Variants in PRRC2B observed in about 807,000 individuals in gnomAD.
PRRC2B encodes the protein protein PRRC2B.
A neutral mutation model predicts 242.3 loss-of-function variants in PRRC2B; 68 were observed. The observed-to-expected ratio is 0.28, with a 90% confidence interval of 0.23 to 0.34. The LOEUF (loss-of-function observed/expected upper bound fraction) is 0.34, where lower values mean the gene tolerates loss of function less well. Ranked by LOEUF, PRRC2B falls within the 10% of genes least tolerant of loss-of-function variation. The pLI, the probability that PRRC2B is intolerant of heterozygous loss-of-function variation, is 1.00. For synonymous variants in PRRC2B, 1,228 were observed against 1,173.6 expected (o/e 1.05, Z -0.95); for missense variants, 2,835 against 2,954.8 (o/e 0.96, Z 0.94).
intron 1 of PRRC2B, among the ~76,000 whole-genome samples, chr9:131,405,506 C>T (rs1034281416): frequency 4.6e-5 from 7 of 152,136 alleles, no homozygotes; most frequent in Non-Finnish European, 1.0e-4. Context: ...TTGTGCATAT[C>T]TCACTTCTCG....
chr9:131,399,139 C>G (rs1049215075), intron 1 of PRRC2B, among the ~76,000 whole-genome samples: 2 of 150,512 alleles, frequency 1.3e-5, no homozygotes, highest in Admixed American at 6.6e-5. Context: ...AGCTGGATGC[C>G]GTGGCGAGTG....
At chr9:131,472,837 A>G (rs943120082) in intron 14 of PRRC2B, among the ~76,000 whole-genome samples, 1 of 152,014 alleles carries the variant, frequency 6.6e-6, no homozygotes, top group Non-Finnish European at 1.5e-5. Context: ...TTCCATTCTT[A>G]TTCTTCTCTT....
At chr9:131,409,736 G>A (rs1033818465) in intron 1 of PRRC2B, among the ~76,000 whole-genome samples, 1 of 152,108 alleles carries the variant, frequency 6.6e-6, no homozygotes, top group Admixed American at 6.5e-5. Context: ...CTGGTATTGG[G>A]CCCCAGTGGT....
In PRRC2B at chr9:131,476,482, C is replaced by T. The variant is rs767426942; in HGVS notation, c.4353C>T (p.Asp1451=). The T allele has an allele frequency of 3.1e-6, 5 of 1,611,814 alleles. No individual in the cohort carries two copies. Among genetic ancestry groups the T allele is most frequent in the East Asian group, 4.5e-5 (2 of 44,878 alleles). ...GEKPVRPGGG[D]TSPRYESQQN... is the part of the protein sequence containing the mutation. ...AGCCCGTTAGGCCAGGTGGTGGTGACACCTCCCCTCGCTATGAGAGCCAAC... is the reference window on the plus strand; with the variant it reads ...AGCCCGTTAGGCCAGGTGGTGGTGATACCTCCCCTCGCTATGAGAGCCAAC... Residue 1451 remains aspartate (D), a synonymous_variant, in exon 16 of 32, where the codon GAC becomes GAT. Coordinates refer to ENST00000683519, the MANE Select transcript of PRRC2B (RefSeq NM_013318.4).
chr9:131,432,920 G>C, intron 3 of PRRC2B, 126 bp downstream of exon 3: 1 of 881,166 alleles, frequency 1.1e-6, no homozygotes. Flanking sequence ...TGGCAGAATT[G>C]GAACACTGGG....
chr9:131,487,438 C>T lies in PRRC2B; in HGVS notation c.5984+144C>T, dbSNP rs1010187670. 2.1e-5 allele frequency: 17 copies of T among 815,966 alleles called. No individual in the cohort carries two copies. The highest frequency in any genetic ancestry group is 3.0e-5 in the Non-Finnish European group (16 of 534,046). 50.5% of individuals were successfully genotyped at this position (815,966 alleles called of 1,614,324 possible). A position where few individuals can be genotyped will look rare whatever the true frequency, so the allele number is the denominator to read the frequency against. ...AGGGGTGGGAGTTTGCTCTGAATCA[C>T]TCTTCAGTCCGTTGTTAACTGTGCT... On this transcript the variant is annotated intron_variant, in intron 27 of 31. Transcript: ENST00000683519. The surrounding 1 kb of genome is among the most constrained non-coding windows in gnomAD (Gnocchi z 5.3).
At chr9:131,483,535 C>G in intron 23 of PRRC2B, 90 bp downstream of exon 23, 1 of 1,153,004 alleles carries the variant, frequency 8.7e-7, no homozygotes, top group Non-Finnish European at 1.3e-6. Context: ...TTCAGGCTGA[C>G]CTGGGCTGGC....
At chr9:131,406,101 C>G (rs1410815682) in intron 1 of PRRC2B, among the ~76,000 whole-genome samples, 1 of 152,040 alleles carries the variant, frequency 6.6e-6, no homozygotes, top group Non-Finnish European at 1.5e-5. Flanking sequence ...CCCGGGGGCC[C>G]GGGGGTTTGG....
chr9:131,420,493 C>CTTTT (rs146073511), intron 1 of PRRC2B, among the ~76,000 whole-genome samples: 4 of 30,178 alleles, frequency 1.3e-4, no homozygotes, highest in Middle Eastern at 0.017. Flanking sequence ...TTCTTTCTTT[C>CTTTT]TTTTTTTTTT....
intron 1 of PRRC2B, among the ~76,000 whole-genome samples, chr9:131,395,754 T>C (rs751186303): frequency 9.9e-5 from 15 of 152,162 alleles, no homozygotes; most frequent in Non-Finnish European, 1.6e-4. Flanking sequence ...GCCCAAACAT[T>C]AGTGGGCGCT....
intron 1 of PRRC2B, among the ~76,000 whole-genome samples, chr9:131,394,586 C>T (rs1207056413): frequency 1.3e-5 from 2 of 150,854 alleles, no homozygotes; most frequent in Admixed American, 1.3e-4. Context: ...CACCCCCGTA[C>T]CCCCGAGGCC....
intron 1 of PRRC2B, among the ~76,000 whole-genome samples, chr9:131,401,902 C>G (rs1211381328): frequency 6.7e-6 from 1 of 149,580 alleles, no homozygotes; most frequent in South Asian, 2.1e-4. Flanking sequence ...TTCAGGTGAT[C>G]TGCCCACCTC....
chr9:131,427,346 T>G (rs899735557), intron 1 of PRRC2B, among the ~76,000 whole-genome samples: 3 of 151,336 alleles, frequency 2.0e-5, no homozygotes, highest in South Asian at 2.1e-4. Flanking sequence ...TGTGTGTGTT[T>G]TTTTGATGGA....
intron 16 of PRRC2B, 67 bp downstream of exon 16, chr9:131,476,602 G>T (rs753129035): frequency 1.0e-5 from 15 of 1,430,538 alleles, no homozygotes; most frequent in Non-Finnish European, 1.4e-5. Context: ...CTGAGTTCAC[G>T]CATGCATGCC....
chr9:131,492,067 C>T (rs945055321), intron 29 of PRRC2B, 102 bp from the exon 30 acceptor site: 25 of 896,726 alleles, frequency 2.8e-5, no homozygotes, highest in Non-Finnish European at 4.4e-5. Flanking sequence ...CCTGGGAATT[C>T]CCATGGCCCT....
chr9:131,456,819 T>C (rs564020658), intron 10 of PRRC2B, among the ~76,000 whole-genome samples: 2 of 152,308 alleles, frequency 1.3e-5, no homozygotes, highest in South Asian at 4.1e-4. Flanking sequence ...AAATTAATAA[T>C]AACAATCATA....
intron 3 of PRRC2B, 39 bp from the exon 4 acceptor site, chr9:131,436,581 C>T (rs1564283564): frequency 6.5e-7 from 1 of 1,549,258 alleles, no homozygotes; most frequent in African/African-American, 1.4e-5. Context: ...CCAGCGCACT[C>T]TGTGCGGTGC....
intron 1 of PRRC2B, among the ~76,000 whole-genome samples, chr9:131,413,342 C>T (rs144405817): frequency 5.3e-5 from 8 of 152,292 alleles, no homozygotes; most frequent in East Asian, 1.9e-4. Context: ...GGAAACTGAA[C>T]GCAGTAGGGT....
At chr9:131,404,165 A>G (rs1162408075) in intron 1 of PRRC2B, among the ~76,000 whole-genome samples, 1 of 152,118 alleles carries the variant, frequency 6.6e-6, no homozygotes, top group East Asian at 1.9e-4. Flanking sequence ...ACAGGTGTGT[A>G]AAAGAAGAAA....
Sources: allele counts gnomAD v4.1 joint callset (sites outside exome capture counted in the v4.1 genomes callset), GRCh38; gene constraint gnomAD v4.1.1; non-coding constraint Gnocchi (gnomAD v3.1); transcripts MANE v1.5; gene names NCBI Gene and HGNC (gene_info 2026-07-23, HGNC 2026-07-21).